HYAL4: variants seen among roughly 807,000 people sequenced by gnomAD.
The protein encoded by HYAL4 is hyaluronidase-4.
A neutral mutation model predicts 35.2 loss-of-function variants in HYAL4; 37 were observed. The observed-to-expected ratio is 1.05, with a 90% CI of 0.81 to 1.38. HYAL4 has a LOEUF of 1.38. HYAL4 is among the 40% of genes most tolerant of loss of function. The pLI is 0.00. For synonymous variants in HYAL4, 198 were observed against 203.2 expected, an observed-to-expected ratio of 0.97 and a Z score of 0.22; for missense variants, 572 against 572.4, an observed-to-expected ratio of 1.00 and a Z score of 0.01.
intron 2 of HYAL4, among the ~76,000 whole-genome samples, chr7:123,849,280 T>C (rs1235882054): frequency 6.6e-6 from 1 of 151,838 alleles, no homozygotes; most frequent in Non-Finnish European, 1.5e-5. Context: ...TCTCTCTCTC[T>C]CTCTCCCTCT....
the HYAL4 span, among the ~76,000 whole-genome samples, chr7:123,771,110 A>T: frequency 6.6e-6 from 1 of 152,184 alleles, no homozygotes; most frequent in Non-Finnish European, 1.5e-5. Context: ...TAAATAATCT[A>T]CCCTGGGAAG....
intron 1 of HYAL4, among the ~76,000 whole-genome samples, chr7:123,834,570 T>C (rs1213433735): frequency 6.6e-6 from 1 of 152,190 alleles, no homozygotes; most frequent in Middle Eastern, 3.2e-3. Context: ...TTGGATGTTA[T>C]TTCTTTCTCT....
intron 1 of HYAL4, 51 bp downstream of exon 1, chr7:123,845,736 A>G (rs899705249): frequency 5.9e-5 from 9 of 152,186 alleles, no homozygotes; most frequent in Admixed American, 5.9e-4. Context: ...TTGTTTTGTC[A>G]TATTACCAGA....
chr7:123,809,431 C>T, the HYAL4 span, among the ~76,000 whole-genome samples: 7 of 146,070 alleles, frequency 4.8e-5, no homozygotes, highest in East Asian at 4.0e-4. Flanking sequence ...AGTCTGACTC[C>T]GTTGCCCAGG....
chr7:123,873,800 A>G (rs540300332), intron 3 of HYAL4, among the ~76,000 whole-genome samples: 6 of 152,316 alleles, frequency 3.9e-5, no homozygotes, highest in Non-Finnish European at 2.9e-5. Context: ...CTCTGCTAAA[A>G]CCTTACCTTT....
chr7:123,850,475 A>G (rs1451552453), intron 2 of HYAL4, among the ~76,000 whole-genome samples: 1 of 152,142 alleles, frequency 6.6e-6, no homozygotes, highest in Admixed American at 6.6e-5. Flanking sequence ...TCTTGGGCTC[A>G]AGCGGTCCTC....
intron 1 of HYAL4, among the ~76,000 whole-genome samples, chr7:123,847,036 G>A (rs1806188773): frequency 6.6e-6 from 1 of 152,194 alleles, no homozygotes; most frequent in South Asian, 2.1e-4. Flanking sequence ...CAGATGGTCT[G>A]TGAGTGCTCT....
the HYAL4 span, among the ~76,000 whole-genome samples, chr7:123,790,452 T>C: frequency 6.6e-6 from 1 of 152,160 alleles, no homozygotes; most frequent in African/African-American, 2.4e-5. Flanking sequence ...TCTAGTGTTC[T>C]TTCTGTTGTG....
upstream of HYAL4, among the ~76,000 whole-genome samples, chr7:123,842,925 A>G (rs994588682): frequency 6.6e-6 from 1 of 151,882 alleles, no homozygotes; most frequent in African/African-American, 2.4e-5. Flanking sequence ...TGAATACAGC[A>G]TACTGATGGG....
the HYAL4 span, among the ~76,000 whole-genome samples, chr7:123,815,419 T>G: frequency 6.6e-6 from 1 of 152,274 alleles, no homozygotes; most frequent in Non-Finnish European, 1.5e-5. Context: ...GAGCTTAGGG[T>G]AAATTATTAA....
intron 2 of HYAL4, among the ~76,000 whole-genome samples, chr7:123,857,615 C>A (rs931519664): frequency 2.6e-5 from 4 of 151,994 alleles, no homozygotes; most frequent in African/African-American, 9.7e-5. Context: ...CAGACCAGAG[C>A]TGTTGCTATT....
chr7:123,854,690 A>G (rs1300811228), intron 2 of HYAL4, among the ~76,000 whole-genome samples: 1 of 152,184 alleles, frequency 6.6e-6, no homozygotes, highest in Non-Finnish European at 1.5e-5. Context: ...AGAAGAATGT[A>G]TATTCTGTTG....
chr7:123,768,573 T>G, the HYAL4 span, among the ~76,000 whole-genome samples: 1 of 152,238 alleles, frequency 6.6e-6, no homozygotes, highest in Non-Finnish European at 1.5e-5. Flanking sequence ...GTAGGCCGAT[T>G]CATCAGTCAG....
chr7:123,778,004 TTTTTA>T, the HYAL4 span, among the ~76,000 whole-genome samples: 3 of 152,176 alleles, frequency 2.0e-5, no homozygotes, highest in Admixed American at 6.5e-5. Context: ...TTCTAAATTA[TTTTTA>T]TTTTAACTAC....
upstream of HYAL4, among the ~76,000 whole-genome samples, chr7:123,825,271 G>A (rs1343944582): frequency 6.6e-6 from 1 of 151,906 alleles, no homozygotes; most frequent in Non-Finnish European, 1.5e-5. Flanking sequence ...TATTTGGGAT[G>A]GTCTGATTAA....
Position 123,868,410 on chromosome 7 carries a change from A to G in HYAL4, c.137A>G (p.Lys46Arg). ...GCTCGACTTCCAATTTATCAAAGGA[A>G]ACCTTTTATAGCTGCTTGGAATGCT... Reference protein sequence around the residue: ...KPARLPIYQRKPFIAAWNAPT... With the variant: ...KPARLPIYQRRPFIAAWNAPT... The change falls in exon 3 of 5, where the codon AAA (lysine) becomes AGA (arginine). Residue 46 changes from lysine (K) to arginine (R), a missense_variant. Transcript: ENST00000223026. 1 of 1,612,838 alleles carries G rather than the reference A, an allele frequency of 6.2e-7. No homozygotes were observed. Among genetic ancestry groups the G allele is most frequent in the Non-Finnish European group, 8.5e-7 (1 of 1,179,388 alleles).
At chr7:123,771,878 T>C in the HYAL4 span, among the ~76,000 whole-genome samples, 28 of 151,416 alleles carry the variant, frequency 1.8e-4, no homozygotes, top group African/African-American at 6.8e-4. Flanking sequence ...GTAAAGTACA[T>C]TGCCCAAGAT....
intron 1 of HYAL4, among the ~76,000 whole-genome samples, chr7:123,830,040 G>A (rs1329565411): frequency 2.0e-5 from 3 of 152,106 alleles, no homozygotes; most frequent in Non-Finnish European, 2.9e-5. Context: ...CTTGGAATAG[G>A]GAATAGCAAA....
intron 1 of HYAL4, among the ~76,000 whole-genome samples, chr7:123,832,126 G>A (rs1030817266): frequency 5.9e-5 from 9 of 152,046 alleles, no homozygotes; most frequent in Non-Finnish European, 1.2e-4. Flanking sequence ...ATTCTGGTAA[G>A]TTAAATAGTG....
Sources: allele counts gnomAD v4.1 joint callset (sites outside exome capture counted in the v4.1 genomes callset), GRCh38; gene constraint gnomAD v4.1.1; transcripts MANE v1.5; gene names NCBI Gene and HGNC (gene_info 2026-07-23, HGNC 2026-07-21).